The following ARHGEF10 variants were observed in gnomAD, a reference collection of about 807,000 sequenced individuals.
The protein encoded by ARHGEF10 is Rho guanine nucleotide exchange factor (GEF) 10.
Under a neutral mutation model 147.4 loss-of-function variants are expected in ARHGEF10, and 140 were observed. The observed-to-expected ratio is 0.95, with a 90% CI of 0.83 to 1.09. The LOEUF is 1.09. ARHGEF10 is among the 50% of genes least tolerant of loss of function. The pLI is 0.00. For missense variants in ARHGEF10, 2,222 were observed against 1,752.7 expected, an observed-to-expected ratio of 1.27 and a Z score of -4.78; for synonymous variants, 902 against 695.8, an observed-to-expected ratio of 1.30 and a Z score of -4.67.
Position 1,824,038 on chromosome 8 carries a change from C to CGGCGGGGG in ARHGEF10, c.-123_-122insGGCGGGGG, listed in dbSNP as rs1802583444. The CGGCGGGGG allele has an allele frequency of 7.2e-4, 76 of 105,600 alleles. No homozygotes were observed. Among genetic ancestry groups the CGGCGGGGG allele is most frequent in the Admixed American group, 6.9e-3 (65 of 9,430 alleles). The allele number at this position is 105,600 out of a possible 1,614,324, so 6.5% of individuals were successfully genotyped here. A position where few individuals can be genotyped will look rare whatever the true frequency, so the allele number is the denominator to read the frequency against. ...GGGAACGGCGGGGGACGGCGGGGAA[C>CGGCGGGGG]AGCGGGGGACGGCGGGGAACAGCGG... On this transcript the variant is annotated 5_prime_UTR_variant, in exon 1 of 29. Coordinates refer to ENST00000349830, the MANE Select transcript of ARHGEF10 (RefSeq NM_014629.4).
intron 26 of ARHGEF10, among the ~76,000 whole-genome samples, chr8:1,943,021 C>A (rs982754854): frequency 6.6e-6 from 1 of 152,154 alleles, no homozygotes; most frequent in Non-Finnish European, 1.5e-5. Context: ...CACAGAATTG[C>A]GCCCTATAGA....
At chr8:1,832,238 TG>T (rs67380689) in intron 1 of ARHGEF10, among the ~76,000 whole-genome samples, 126,225 of 152,082 alleles carry the variant, frequency 0.83, 53,053 homozygotes, top group African/African-American at 0.96. Context: ...GGAGTTGCGG[TG>T]GGCGGGGGGC....
chr8:1,899,157 C>T (rs1380763504), intron 15 of ARHGEF10, among the ~76,000 whole-genome samples: 2 of 152,192 alleles, frequency 1.3e-5, no homozygotes, highest in East Asian at 1.9e-4. Flanking sequence ...TCACAGCGGA[C>T]GGCCTCTAGG....
intron 28 of ARHGEF10, 75 bp from the exon 29 acceptor site, chr8:1,956,674 C>T (rs528338235): frequency 3.2e-6 from 5 of 1,559,086 alleles, no homozygotes; most frequent in Non-Finnish European, 4.4e-6. Flanking sequence ...TGGGGTTAAG[C>T]CCTGCACTTT....
intron 1 of ARHGEF10, among the ~76,000 whole-genome samples, chr8:1,833,870 G>A (rs1803421284): frequency 1.3e-5 from 2 of 152,210 alleles, no homozygotes; most frequent in South Asian, 2.1e-4. Flanking sequence ...CCTCCATTGC[G>A]ACCATGACCC....
intron 28 of ARHGEF10, among the ~76,000 whole-genome samples, chr8:1,955,754 C>T (rs1480832715): frequency 6.6e-6 from 1 of 152,258 alleles, no homozygotes; most frequent in Non-Finnish European, 1.5e-5. Context: ...CATTACACAT[C>T]AAGCCTCTGT....
At chr8:1,925,822 G>T (rs956732824) in intron 22 of ARHGEF10, among the ~76,000 whole-genome samples, 2 of 152,184 alleles carry the variant, frequency 1.3e-5, no homozygotes, top group African/African-American at 4.8e-5. Context: ...CCATCTCCAG[G>T]GTGGCGTCTT....
intron 1 of ARHGEF10, among the ~76,000 whole-genome samples, chr8:1,835,341 C>G (rs559502090): frequency 6.6e-6 from 1 of 152,200 alleles, no homozygotes; most frequent in African/African-American, 2.4e-5. Context: ...CCCTGTGAGT[C>G]GGTGCCGTCC....
In ARHGEF10 at chr8:1,894,468, G is replaced by A. The variant is rs1353507768; in HGVS notation, c.1336G>A (p.Val446Ile). Residue 446 changes from valine to isoleucine, a missense_variant, in exon 13 of 29, where the codon GTC (valine) becomes ATC (isoleucine). Coordinates refer to ENST00000349830, the MANE Select transcript of ARHGEF10 (RefSeq NM_014629.4). Reference sequence around the variant, plus strand: ...GAAGCTGAAGACGGTGTTCTACCGAGTCAAAGAGATCCTGCAGTGCCACTC... The same window carrying A: ...GAAGCTGAAGACGGTGTTCTACCGAATCAAAGAGATCCTGCAGTGCCACTC... ...ERKLKTVFYR[V>I]KEILQCHSLF... 6.2e-7 allele frequency: 1 copy of A among 1,614,240 alleles called. No individual in the cohort carries two copies. The highest frequency in any genetic ancestry group is 1.1e-5 in the South Asian group (1 of 91,090).
intron 27 of ARHGEF10, 199 bp downstream of exon 27, chr8:1,945,854 G>T: frequency 2.8e-6 from 2 of 710,956 alleles, no homozygotes; most frequent in Non-Finnish European, 2.2e-6. Flanking sequence ...GCGCTTCCCG[G>T]TGCAGGGCAC....
chr8:1,890,361 C>G (rs1203942785), intron 11 of ARHGEF10, among the ~76,000 whole-genome samples: 2 of 145,266 alleles, frequency 1.4e-5, no homozygotes, highest in African/African-American at 2.6e-5. Flanking sequence ...TGAGGATACA[C>G]TGAGTTGGGT....
intron 1 of ARHGEF10, among the ~76,000 whole-genome samples, chr8:1,833,057 G>GAC (rs1563149463): frequency 1.4e-4 from 3 of 20,746 alleles, no homozygotes; most frequent in African/African-American, 5.2e-4. Context: ...CAGAGGCAGA[G>GAC]AGAGACAGAG....
intron 6 of ARHGEF10, 36 bp downstream of exon 6, chr8:1,866,638 C>T: frequency 6.3e-7 from 1 of 1,586,794 alleles, no homozygotes; most frequent in Non-Finnish European, 8.6e-7. Flanking sequence ...AGAATCCTCA[C>T]CACGCTCCAC....
rs147922547 is a variant in ARHGEF10, at chr8:1,879,451, G to C, written c.844-597G>C. Among the ~76,000 whole-genome samples the C allele has an allele frequency of 9.7e-3, 1,469 of 152,142 alleles. 14 individuals are homozygous for C. Among genetic ancestry groups the C allele is most frequent in the Non-Finnish European group, 0.016 (1,119 of 68,016 alleles). On this transcript the variant is annotated intron_variant, in intron 8 of 28. Coordinates refer to ENST00000349830, the MANE Select transcript of ARHGEF10 (RefSeq NM_014629.4). The stretch of plus-strand genomic sequence containing the variant: ...AAACGAATGATTTCACAGATATTTT[G>C]TGTGCGTGCATTTGCTCCTGTCTAG...
chr8:1,855,542 A>C (rs1585278077), intron 2 of ARHGEF10, among the ~76,000 whole-genome samples: 1 of 149,824 alleles, frequency 6.7e-6, no homozygotes, highest in East Asian at 1.9e-4. Flanking sequence ...CCTTCACCCC[A>C]GGCTAATTTT....
At position 1,952,714 on chromosome 8, in the gene ARHGEF10, G is replaced by A. The variant is rs887797448; in HGVS notation, c.3407G>A (p.Arg1136Gln). The change falls in exon 28 of 29, where the codon CGG becomes CAG. Residue 1136 changes from arginine to glutamine, a missense_variant. Arg to Gln is a conservative substitution (Grantham distance 43). Coordinates refer to ENST00000349830, the MANE Select transcript of ARHGEF10 (RefSeq NM_014629.4). ...PVHNMLPGHQ[R>Q]LSVTSLLVCH... The stretch of plus-strand genomic sequence containing the variant: ...ATGTCTTTCCGCCCAGGGCACCAGC[G>A]GCTGTCGGTGACGAGCCTGCTCGTC... 1.2e-5 allele frequency: 20 copies of A among 1,612,720 alleles called. No individual in the cohort carries two copies. The highest frequency in any genetic ancestry group is 6.7e-5 in the East Asian group (3 of 44,878).
intron 26 of ARHGEF10, among the ~76,000 whole-genome samples, chr8:1,944,408 G>A (rs1814389492): frequency 6.6e-6 from 1 of 152,240 alleles, no homozygotes; most frequent in Non-Finnish European, 1.5e-5. Context: ...TGCCATGGGA[G>A]AAGGGATCTC....
Position 1,876,592 on chromosome 8 carries a change from T to C in ARHGEF10, c.701T>C (p.Val234Ala). 3 of 1,614,188 alleles carry C rather than the reference T, an allele frequency of 1.9e-6. No homozygotes were observed. Among genetic ancestry groups the C allele is most frequent in the Non-Finnish European group, 2.5e-6 (3 of 1,180,024 alleles). ...SEPDEMIYDD[V>A]ENGDEGGNSS... The stretch of plus-strand genomic sequence containing the variant: ...TCAGATGAAATGATTTATGATGATG[T>C]TGAGAATGGGGATGAAGGTGGAAAC... Residue 234 changes from valine (V) to alanine (A), a missense_variant, in exon 8 of 29, where the codon GTT (valine) becomes GCT (alanine). Val to Ala is a moderately conservative substitution (Grantham distance 64, BLOSUM62 0). Transcript: ENST00000349830.
At chr8:1,919,965 G>C (rs1404785977) in intron 18 of ARHGEF10, among the ~76,000 whole-genome samples, 1 of 149,394 alleles carries the variant, frequency 6.7e-6, no homozygotes, top group African/African-American at 2.5e-5. Flanking sequence ...GGGTGATGGA[G>C]CTGTTCTGTG....
Sources: gnomAD v4.1 joint callset for allele counts (sites outside exome capture counted in the v4.1 genomes callset) on GRCh38, gnomAD v4.1.1 for gene constraint, MANE v1.5 for transcripts, NCBI Gene and HGNC (gene_info 2026-07-23, HGNC 2026-07-21) for gene names.